Variants in TMEM131L observed in about 807,000 individuals in gnomAD.
TMEM131L encodes transmembrane 131 like, also known as transmembrane protein 131-like.
TMEM131L carries 54 observed loss-of-function variants against 192.2 expected under a neutral mutation model. The ratio of observed to expected loss-of-function variants is 0.28; its 90% CI spans 0.23 to 0.35. TMEM131L has a LOEUF of 0.35. Ranked by LOEUF, TMEM131L falls within the 10% of genes least tolerant of loss-of-function variation. The pLI, the probability that TMEM131L is intolerant of heterozygous loss-of-function variation, is 1.00. For missense variants in TMEM131L, 1,888 were observed against 1,972.9 expected, an observed-to-expected ratio of 0.96 and a Z score of 0.82; for synonymous variants, 701 against 704.9, an observed-to-expected ratio of 0.99 and a Z score of 0.09.
chr4:153,536,717 T>C (rs1392307187), intron 3 of TMEM131L, among the ~76,000 whole-genome samples: 4 of 146,828 alleles, frequency 2.7e-5, no homozygotes, highest in Non-Finnish European at 6.1e-5. Context: ...TCTGTCTATC[T>C]ATCTCCCTCC....
chr4:153,506,500 A>G lies in TMEM131L; in HGVS notation c.239+32612A>G, dbSNP rs116197752. On this transcript the variant is annotated intron_variant, in intron 3 of 34. Transcript: ENST00000409959. ...TTAAGCCCTTACTGTTAGAGGGTGA[A>G]CTGCTTCATTCAACCAAAAAATGAG... 3.3e-3 allele frequency among the ~76,000 whole-genome samples: 498 copies of G among 152,266 alleles called. 2 individuals are homozygous for G. The highest frequency in any genetic ancestry group is 0.011 in the African/African-American group (460 of 41,556).
chr4:153,581,478 A>C lies in TMEM131L; in HGVS notation c.810A>C (p.Ser270=). The C allele has an allele frequency of 6.2e-7, 1 of 1,601,580 alleles. No homozygotes were observed. Among genetic ancestry groups the C allele is most frequent in the South Asian group, 1.1e-5 (1 of 89,388 alleles). The part of the protein sequence containing the change: ...MSIMVTMENF[S]KEFEENTQHL... ...TAATGGTAACAATGGAAAACTTTTC[A>C]AAAGAATTTGAAGAAAACACACAAC... The change falls in exon 9 of 35, where the codon TCA becomes TCC. Residue 270 remains serine (S), a synonymous_variant. Coordinates refer to ENST00000409959, the MANE Select transcript of TMEM131L (RefSeq NM_001131007.2).
Position 153,603,177 on chromosome 4 carries a change from G to C in TMEM131L, c.2640-126G>C, listed in dbSNP as rs532348496. On this transcript the variant is annotated intron_variant, in intron 23 of 34. Transcript: ENST00000409959. Reference sequence around the variant, plus strand: ...ATCAGAAATTATGTGATAAATCTTAGGGAATTTTAATACTGCATCTTCAGA... The same window carrying C: ...ATCAGAAATTATGTGATAAATCTTACGGAATTTTAATACTGCATCTTCAGA... The C allele has an allele frequency of 3.9e-6, 3 of 775,398 alleles. No individual in the cohort carries two copies. In the South Asian group the frequency reaches 8.1e-5, roughly 21 times the overall value. 48.0% of individuals were successfully genotyped at this position (775,398 alleles called of 1,614,324 possible).
intron 3 of TMEM131L, among the ~76,000 whole-genome samples, chr4:153,533,085 C>A (rs903771081): frequency 8.0e-5 from 12 of 150,764 alleles, no homozygotes; most frequent in African/African-American, 2.4e-4. Context: ...CTCCCGGGTT[C>A]AAGCAATTTT....
chr4:153,586,571 T>C (rs1404916119), intron 14 of TMEM131L, among the ~76,000 whole-genome samples, 192 bp downstream of exon 14: 1 of 152,222 alleles, frequency 6.6e-6, no homozygotes, highest in Non-Finnish European at 1.5e-5. Context: ...GGAAAGAGTT[T>C]TCTTTTTTAT....
chr4:153,635,962 C>T (rs1392325423), intron 34 of TMEM131L, among the ~76,000 whole-genome samples: 1 of 152,088 alleles, frequency 6.6e-6, no homozygotes, highest in Non-Finnish European at 1.5e-5. Flanking sequence ...GGTCAGGGTC[C>T]CAGAGCTCCC....
intron 4 of TMEM131L, among the ~76,000 whole-genome samples, chr4:153,551,415 G>A (rs534565081): frequency 5.3e-4 from 81 of 152,022 alleles, no homozygotes; most frequent in African/African-American, 1.9e-3. Context: ...TGGAGTGCAG[G>A]GGCACAGTGT....
chr4:153,555,641 CGATTG>C lies in TMEM131L; in HGVS notation c.309-142_309-138del. The C allele has an allele frequency of 1.6e-6, 1 of 621,910 alleles. No homozygotes were observed. The highest frequency in any genetic ancestry group is 3.1e-5 in the South Asian group (1 of 32,364). The allele number at this position is 621,910 out of a possible 1,614,324, so 38.5% of individuals were successfully genotyped here. ...TGAATTGAATGCTTTATTACCAACA[CGATTG>C]GATAATTTAACTTTGTGATGAACAG... On this transcript the variant is annotated intron_variant, in intron 4 of 34. Coordinates refer to ENST00000409959, the MANE Select transcript of TMEM131L (RefSeq NM_001131007.2). The surrounding 1 kb of genome is among the most constrained non-coding windows in gnomAD (Gnocchi z 4.1).
At chr4:153,622,608 TATA>T (rs750368259) in intron 28 of TMEM131L, among the ~76,000 whole-genome samples, 7 of 152,254 alleles carry the variant, frequency 4.6e-5, no homozygotes, top group Non-Finnish European at 7.3e-5. Flanking sequence ...GTCTTCTTGA[TATA>T]AGTTATTTGT....
Position 153,634,256 on chromosome 4 carries a change from A to G in TMEM131L, c.4393A>G (p.Asn1465Asp), listed in dbSNP as rs1423255868. The change falls in exon 33 of 35, where the codon AAC (asparagine) becomes GAC (aspartate). Residue 1465 changes from asparagine to aspartate, a missense_variant. Physicochemically the swap from Asn to Asp is conservative, Grantham distance 23 (BLOSUM62 1). Transcript: ENST00000409959. ...FSSAYCPLEL[N>D]DYNAFPEENM... Reference sequence around the variant, plus strand: ...CAGCGCATACTGTCCATTGGAATTGAACGATTACAATGCCTTTCCAGAAGG... The same window carrying G: ...CAGCGCATACTGTCCATTGGAATTGGACGATTACAATGCCTTTCCAGAAGG... The G allele has an allele frequency of 3.1e-6, 5 of 1,613,528 alleles. No individual in the cohort carries two copies. The highest frequency in any genetic ancestry group is 4.2e-6 in the Non-Finnish European group (5 of 1,179,550).
At chr4:153,466,564 C>G (rs1330981012) in intron 1 of TMEM131L, 43 bp downstream of exon 1, 1 of 1,277,022 alleles carries the variant, frequency 7.8e-7, no homozygotes, top group Non-Finnish European at 1.0e-6. Flanking sequence ...CTCCACCCCG[C>G]CCCCGCTCTT....
intron 3 of TMEM131L, among the ~76,000 whole-genome samples, chr4:153,483,190 C>T (rs116177572): frequency 0.019 from 2,940 of 152,300 alleles, 54 homozygotes; most frequent in South Asian, 0.069. Context: ...TCCAGAAATT[C>T]GTTGTTCCTT....
chr4:153,578,272 C>CTTGAGGCCAGGAGT (rs1730093573), intron 7 of TMEM131L, among the ~76,000 whole-genome samples: 1 of 152,150 alleles, frequency 6.6e-6, no homozygotes, highest in Non-Finnish European at 1.5e-5. Flanking sequence ...GGGAGGATCG[C>CTTGAGGCCAGGAGT]TTGAGGCCAG....
At chr4:153,593,493 A>G (rs1318687250) in intron 18 of TMEM131L, among the ~76,000 whole-genome samples, 1 of 152,058 alleles carries the variant, frequency 6.6e-6, no homozygotes, top group Non-Finnish European at 1.5e-5. Flanking sequence ...TTTTCAAAAA[A>G]GTTGCTTTAT....
intron 3 of TMEM131L, among the ~76,000 whole-genome samples, chr4:153,477,599 TA>T (rs375780565): frequency 0.027 from 4,127 of 150,522 alleles, 104 homozygotes; most frequent in Admixed American, 0.075. Context: ...ATGACTTATA[TA>T]AAAAAAAAAT....
At chr4:153,517,688 A>G (rs1322890356) in intron 3 of TMEM131L, among the ~76,000 whole-genome samples, 1 of 152,224 alleles carries the variant, frequency 6.6e-6, no homozygotes, top group African/African-American at 2.4e-5. Context: ...CCTGAAAACT[A>G]TGGTAGCAGT....
chr4:153,501,530 G>T (rs1351406483), intron 3 of TMEM131L, among the ~76,000 whole-genome samples: 1 of 152,138 alleles, frequency 6.6e-6, no homozygotes, highest in Non-Finnish European at 1.5e-5. Flanking sequence ...TAAATAATGT[G>T]AGTAAAGCCT....
chr4:153,624,720 T>G (rs1733707565), intron 29 of TMEM131L, among the ~76,000 whole-genome samples: 1 of 152,172 alleles, frequency 6.6e-6, no homozygotes, highest in Non-Finnish European at 1.5e-5. Context: ...AACCCCGGGC[T>G]TCTTCCCCCA....
At chr4:153,496,643 C>T (rs1003984984) in intron 3 of TMEM131L, among the ~76,000 whole-genome samples, 38 of 151,920 alleles carry the variant, frequency 2.5e-4, no homozygotes, top group African/African-American at 8.0e-4. Context: ...ACTGTGGCCC[C>T]ACCTCTCAGG....
Sources: gnomAD v4.1 joint callset for allele counts (sites outside exome capture counted in the v4.1 genomes callset) on GRCh38, gnomAD v4.1.1 for gene constraint, Gnocchi (gnomAD v3.1) non-coding constraint, MANE v1.5 for transcripts, NCBI Gene and HGNC (gene_info 2026-07-23, HGNC 2026-07-21) for gene names.